Variants in MBTD1 observed in about 807,000 individuals in gnomAD.
MBTD1 encodes MBT domain-containing protein 1.
MBTD1 carries 24 observed loss-of-function variants against 87.8 expected under a neutral mutation model. The observed-to-expected ratio is 0.27, with a 90% CI of 0.20 to 0.38. The LOEUF is 0.38. MBTD1 is among the 10% of genes least tolerant of loss of function. MBTD1 has a pLI of 1.00. For missense variants in MBTD1, 436 were observed against 760.2 expected, an observed-to-expected ratio of 0.57 and a Z score of 5.02; for synonymous variants, 237 against 248.6, an observed-to-expected ratio of 0.95 and a Z score of 0.44.
At chr17:51,187,114 C>A (rs1171321298) in intron 16 of MBTD1, among the ~76,000 whole-genome samples, 1 of 152,114 alleles carries the variant, frequency 6.6e-6, no homozygotes, top group Non-Finnish European at 1.5e-5. Context: ...CTTAAGCAAT[C>A]TGATTTATTC....
Position 51,178,234 on chromosome 17 carries a change from G to A in MBTD1, c.*2342C>T, listed in dbSNP as rs2050168964. The A allele has an allele frequency of 6.6e-6, 1 of 152,162 alleles. No homozygotes were observed. The highest frequency in any genetic ancestry group is 1.5e-5 in the Non-Finnish European group (1 of 68,026). 9.4% of individuals were successfully genotyped at this position (152,162 alleles called of 1,614,324 possible). A position where few individuals can be genotyped will look rare whatever the true frequency, so the allele number is the denominator to read the frequency against. On this transcript the variant is annotated 3_prime_UTR_variant, in exon 17 of 17. Coordinates refer to ENST00000586178, the MANE Select transcript of MBTD1 (RefSeq NM_017643.3). ...CTCTGCATTAATTATTTTTCGGTTC[G>A]TCGGCAGTAGGAGTTAGTGTGTGAA... is the stretch of plus-strand genomic sequence containing the variant.
chr17:51,259,785 G>A lies in MBTD1; in HGVS notation c.-113+50C>T, dbSNP rs556931141. The A allele has an allele frequency of 1.6e-5, 20 of 1,232,668 alleles. No individual in the cohort carries two copies. In the East Asian group the frequency reaches 1.9e-4, roughly 12 times the overall value. The allele number at this position is 1,232,668 out of a possible 1,614,324, so 76.4% of individuals were successfully genotyped here. On this transcript the variant is annotated intron_variant, in intron 1 of 16. Coordinates refer to ENST00000586178, the MANE Select transcript of MBTD1 (RefSeq NM_017643.3). The stretch of plus-strand genomic sequence containing the variant: ...GGGTTCCTGGGGTCGGAGAGCTGCA[G>A]GCGTCCCCCCCACCTGGCACACAAA...
intron 2 of MBTD1, among the ~76,000 whole-genome samples, chr17:51,236,094 C>A (rs1302276784): frequency 1.3e-5 from 2 of 151,762 alleles, no homozygotes; most frequent in Non-Finnish European, 2.9e-5. Context: ...ATATATATAT[C>A]TATAGATTTA....
intron 12 of MBTD1, 40 bp downstream of exon 12, chr17:51,201,552 C>A: frequency 7.5e-7 from 1 of 1,334,706 alleles, no homozygotes. Flanking sequence ...TACCCAAATC[C>A]TATAATTGCA....
rs1447826500 is a variant in MBTD1, at chr17:51,259,832, C to T, written c.-113+3G>A. On this transcript the variant is annotated splice_donor_region_variant and intron_variant, in intron 1 of 16. Transcript: ENST00000586178. ...CAAAGCGGCTGCCGCGCTCGGCTCTCACCAGATCCTTTGTGTTTTCCATCA... is the reference window on the plus strand; with the variant it reads ...CAAAGCGGCTGCCGCGCTCGGCTCTTACCAGATCCTTTGTGTTTTCCATCA... 1.6e-6 allele frequency: 2 copies of T among 1,232,152 alleles called. No individual in the cohort carries two copies. Among genetic ancestry groups the T allele is most frequent in the African/African-American group, 3.1e-5 (2 of 64,384 alleles). The allele number at this position is 1,232,152 out of a possible 1,614,324, so 76.3% of individuals were successfully genotyped here.
intron 12 of MBTD1, among the ~76,000 whole-genome samples, chr17:51,197,284 T>C (rs563660850): frequency 3.8e-4 from 57 of 151,070 alleles, no homozygotes; most frequent in African/African-American, 1.1e-3. Context: ...GTATTTTTAG[T>C]AGAGATGGGG....
intron 16 of MBTD1, among the ~76,000 whole-genome samples, chr17:51,191,303 C>T (rs2050800568): frequency 6.8e-6 from 1 of 147,468 alleles, no homozygotes; most frequent in African/African-American, 2.6e-5. Flanking sequence ...CTCTTGTTGC[C>T]CAGGCTAGAG....
chr17:51,203,754 A>AT, intron 8 of MBTD1, 37 bp downstream of exon 8: 2 of 1,583,544 alleles, frequency 1.3e-6, no homozygotes, highest in Non-Finnish European at 1.7e-6. Context: ...AAGTACACAT[A>AT]TAAAAAAATT....
At chr17:51,193,282 AT>A (rs35987233) in intron 14 of MBTD1, 145 bp downstream of exon 14, 295,495 of 630,820 alleles carry the variant, frequency 0.47, 70,515 homozygotes, top group African/African-American at 0.54. Flanking sequence ...TAAAGAAAAT[AT>A]TTATATTGTT....
intron 2 of MBTD1, among the ~76,000 whole-genome samples, chr17:51,248,680 CAT>C (rs1316834903): frequency 6.6e-6 from 1 of 152,130 alleles, no homozygotes; most frequent in African/African-American, 2.4e-5. Context: ...GAGATTCATT[CAT>C]GTTACATGTA....
intron 3 of MBTD1, among the ~76,000 whole-genome samples, chr17:51,224,403 A>C (rs1297467659): frequency 2.6e-5 from 4 of 152,220 alleles, no homozygotes; most frequent in African/African-American, 9.6e-5. Flanking sequence ...GTAGCTTTAA[A>C]AAGCAAAACT....
chr17:51,200,192 C>T (rs991215245), intron 12 of MBTD1, among the ~76,000 whole-genome samples: 3 of 152,116 alleles, frequency 2.0e-5, no homozygotes, highest in African/African-American at 7.2e-5. Context: ...ATTTAAGTTA[C>T]ACCTTTATGT....
intron 2 of MBTD1, among the ~76,000 whole-genome samples, chr17:51,236,137 T>G (rs2053823593): frequency 1.3e-5 from 2 of 152,172 alleles, no homozygotes; most frequent in Non-Finnish European, 2.9e-5. Context: ...TCTATATAGA[T>G]ATCTACAGAA....
intron 2 of MBTD1, among the ~76,000 whole-genome samples, chr17:51,234,950 C>A (rs895556518): frequency 1.3e-5 from 2 of 152,040 alleles, no homozygotes; most frequent in Non-Finnish European, 2.9e-5. Flanking sequence ...CCCACCTTGG[C>A]CTCCCAAAGT....
At chr17:51,248,000 T>C (rs1213201780) in intron 2 of MBTD1, among the ~76,000 whole-genome samples, 1 of 152,248 alleles carries the variant, frequency 6.6e-6, no homozygotes, top group Non-Finnish European at 1.5e-5. Context: ...TTTTGAAATG[T>C]ATTTGTACAG....
chr17:51,205,994 C>A (rs1380249928), intron 7 of MBTD1, among the ~76,000 whole-genome samples: 1 of 152,022 alleles, frequency 6.6e-6, no homozygotes, highest in Admixed American at 6.6e-5. Context: ...TCCACAATGC[C>A]CTACTACACT....
At chr17:51,255,554 G>T (rs868591337) in intron 2 of MBTD1, among the ~76,000 whole-genome samples, 111 of 151,660 alleles carry the variant, frequency 7.3e-4, no homozygotes, top group African/African-American at 2.5e-3. Flanking sequence ...AAATTTTAAA[G>T]CTTAGAAGTC....
chr17:51,260,683 GGGGCCAGGC>G (rs1411687095), upstream of MBTD1: 1 of 1,608,634 alleles, frequency 6.2e-7, no homozygotes, highest in East Asian at 2.2e-5. Context: ...AAGCCGGAGC[GGGGCCAGGC>G]GGGCCTCCCC....
Position 51,243,823 on chromosome 17 carries a change from C to T in MBTD1, c.-49+15320G>A, listed in dbSNP as rs143624834. On this transcript the variant is annotated intron_variant, in intron 2 of 16. Coordinates refer to ENST00000586178, the MANE Select transcript of MBTD1 (RefSeq NM_017643.3). ...ATTACAGGTGTACACTGACGTGTTT[C>T]GTTTGAAATTATTTTTGAAGAATGC... is the stretch of plus-strand genomic sequence containing the variant. Among the ~76,000 whole-genome samples, 197 of 152,152 alleles carry T rather than the reference C, an allele frequency of 1.3e-3. 1 individual carries two copies. The highest frequency in any genetic ancestry group is 4.0e-3 in the African/African-American group (166 of 41,530).
Sources: gnomAD v4.1 joint callset for allele counts (sites outside exome capture counted in the v4.1 genomes callset) on GRCh38, gnomAD v4.1.1 for gene constraint, MANE v1.5 for transcripts, NCBI Gene and HGNC (gene_info 2026-07-23, HGNC 2026-07-21) for gene names.